Variants in PIGN observed in about 807,000 individuals in gnomAD.
PIGN encodes phosphatidylinositol glycan anchor biosynthesis class N.
Under a neutral mutation model 125.4 loss-of-function variants are expected in PIGN, and 117 were observed. The observed-to-expected ratio is 0.93, with a 90% CI of 0.80 to 1.09. The LOEUF (loss-of-function observed/expected upper bound fraction) is 1.09. Ranked by LOEUF, PIGN falls within the 50% of genes least tolerant of loss-of-function variation. The pLI, the probability that PIGN is intolerant of heterozygous loss-of-function variation, is 0.00. For synonymous variants in PIGN, 392 were observed against 377.8 expected (o/e 1.04, Z -0.44); for missense variants, 1,075 against 1,094.9 (o/e 0.98, Z 0.26).
Position 62,147,009 on chromosome 18 carries a change from G to A in PIGN, c.767C>T (p.Thr256Ile), listed in dbSNP as rs768100702. 7 of 1,612,204 alleles carry A rather than the reference G, an allele frequency of 4.3e-6. No individual in the cohort carries two copies. Among genetic ancestry groups the A allele is most frequent in the East Asian group, 2.2e-5 (1 of 44,724 alleles). ...NHFYGNDGKT[T>I]FIFTSDHGMT... ...TCCATGGTCAGAGGTAAAGATAAAT[G>A]TTGTTTTCCCATCATTTCCATAGAA... Residue 256 changes from threonine to isoleucine, a missense_variant, in exon 9 of 31, where the codon ACA becomes ATA. Transcript: ENST00000640252.
At chr18:62,133,889 C>G (rs2035830544) in intron 14 of PIGN, among the ~76,000 whole-genome samples, 1 of 152,162 alleles carries the variant, frequency 6.6e-6, no homozygotes, top group Non-Finnish European at 1.5e-5. Flanking sequence ...CTCAGTTCAC[C>G]AACCCAGACC....
chr18:62,098,910 A>G (rs1430134353), intron 22 of PIGN, among the ~76,000 whole-genome samples: 2 of 152,080 alleles, frequency 1.3e-5, no homozygotes, highest in Admixed American at 6.5e-5. Context: ...CAATAAATAA[A>G]ATCATATAGG....
intron 27 of PIGN, among the ~76,000 whole-genome samples, chr18:62,083,809 T>C (rs564115129): frequency 2.6e-5 from 4 of 152,344 alleles, no homozygotes; most frequent in Admixed American, 2.6e-4. Context: ...TAAACTTCCA[T>C]TTGTATTAGT....
At position 62,154,587 on chromosome 18, in the gene PIGN, T is replaced by G; in HGVS notation, c.507A>C (p.Gln169His). The change falls in exon 7 of 31, where the codon CAA (glutamine) becomes CAC (histidine). Residue 169 changes from glutamine (Q) to histidine (H), a missense_variant. Physicochemically the swap from Gln to His is conservative, Grantham distance 24 (BLOSUM62 0). This residue lies in a region of PIGN where 915 missense variants were observed against 908.7 expected (regional missense o/e 1.01). Transcript: ENST00000640252. The stretch of plus-strand genomic sequence containing the variant: ...CCCACGTATCCAGTTTTGTTGCATC[T>G]TGAGCACCAAAATCCTCTCTTTTAG... The part of the protein sequence containing the change: ...YDAKREDFGA[Q>H]DATKLDTWVF... The G allele has an allele frequency of 6.3e-7, 1 of 1,595,124 alleles. No individual in the cohort carries two copies. Among genetic ancestry groups the G allele is most frequent in the Non-Finnish European group, 8.6e-7 (1 of 1,163,620 alleles).
chr18:62,060,343 T>C (rs2145388891), intron 30 of PIGN, among the ~76,000 whole-genome samples: 1 of 152,320 alleles, frequency 6.6e-6, no homozygotes, highest in East Asian at 1.9e-4. Context: ...TGGAGGCACA[T>C]GGAATTGCCA....
At chr18:62,143,468 C>A in intron 10 of PIGN, 122 bp from the exon 11 acceptor site, 1 of 572,222 alleles carries the variant, frequency 1.7e-6, no homozygotes, top group Non-Finnish European at 3.1e-6. Context: ...TATTTTAAGC[C>A]AAGTATGAAT....
intron 7 of PIGN, chr18:62,154,158 C>T (rs753657244): frequency 6.7e-5 from 15 of 225,126 alleles, no homozygotes; most frequent in Non-Finnish European, 1.2e-4. Context: ...AAAAATCATC[C>T]ACTTTGTTAT....
intron 25 of PIGN, chr18:62,088,536 C>T (rs893402290): frequency 7.4e-6 from 2 of 270,862 alleles, no homozygotes; most frequent in African/African-American, 4.5e-5. Context: ...TGGCTAATAT[C>T]TGAATAGCAG....
At chr18:62,171,702 T>C (rs1203236276) in intron 1 of PIGN, among the ~76,000 whole-genome samples, 3 of 152,220 alleles carry the variant, frequency 2.0e-5, no homozygotes, top group East Asian at 3.8e-4. Context: ...GAGATAATTA[T>C]GATCATCTGA....
intron 14 of PIGN, among the ~76,000 whole-genome samples, chr18:62,115,159 C>G (rs906463237): frequency 4.6e-5 from 7 of 152,150 alleles, no homozygotes; most frequent in Non-Finnish European, 8.8e-5. Context: ...TATTTTTATA[C>G]TATATCATAT....
intron 30 of PIGN, among the ~76,000 whole-genome samples, chr18:62,066,486 T>C (rs1212184008): frequency 6.6e-6 from 1 of 152,176 alleles, no homozygotes; most frequent in Non-Finnish European, 1.5e-5. Flanking sequence ...GTAGAAGTGT[T>C]GGTTATTTTT....
At chr18:62,119,740 A>T (rs1052867306) in intron 14 of PIGN, among the ~76,000 whole-genome samples, 1 of 151,766 alleles carries the variant, frequency 6.6e-6, no homozygotes, top group Non-Finnish European at 1.5e-5. Context: ...GCTACTCAGG[A>T]GGTTGAGGCA....
intron 12 of PIGN, 64 bp downstream of exon 12, chr18:62,140,356 T>C: frequency 1.4e-6 from 1 of 699,698 alleles, no homozygotes; most frequent in Non-Finnish European, 2.4e-6. Context: ...TAAAAAAGAG[T>C]ACATTTTACT....
chr18:62,131,571 T>C (rs896782713), intron 14 of PIGN, among the ~76,000 whole-genome samples: 8 of 152,266 alleles, frequency 5.3e-5, no homozygotes, highest in Admixed American at 5.2e-4. Context: ...CAGGTGTTTG[T>C]TTTTTAGCAG....
chr18:62,177,377 T>A (rs1007936059), intron 1 of PIGN, among the ~76,000 whole-genome samples: 2 of 152,216 alleles, frequency 1.3e-5, no homozygotes, highest in East Asian at 1.9e-4. Context: ...ATAATTTATA[T>A]CTCTTTTGAT....
chr18:62,146,066 G>T, intron 9 of PIGN, 41 bp from the exon 10 acceptor site: 2 of 840,934 alleles, frequency 2.4e-6, no homozygotes, highest in Non-Finnish European at 3.7e-6. Context: ...AAATATAGAA[G>T]AACTAACTTA....
At chr18:62,093,970 C>G (rs569333266) in intron 23 of PIGN, among the ~76,000 whole-genome samples, 1 of 151,958 alleles carries the variant, frequency 6.6e-6, no homozygotes, top group Non-Finnish European at 1.5e-5. Flanking sequence ...AATAATGTAT[C>G]TCTTAATGAA....
chr18:62,025,192 T>C (rs1273904839), intron 23 of PIGN, among the ~76,000 whole-genome samples: 2 of 152,226 alleles, frequency 1.3e-5, no homozygotes, highest in African/African-American at 4.8e-5. Context: ...TACTCATATA[T>C]GTATTTGCTA....
intron 14 of PIGN, among the ~76,000 whole-genome samples, chr18:62,120,339 G>C (rs899151358): frequency 6.6e-6 from 1 of 152,146 alleles, no homozygotes; most frequent in South Asian, 2.1e-4. Flanking sequence ...AATTTCACTT[G>C]AAAAGATGTT....
Sources: allele counts gnomAD v4.1 joint callset (sites outside exome capture counted in the v4.1 genomes callset), GRCh38; gene constraint gnomAD v4.1.1; regional missense constraint gnomAD v4.1.1; transcripts MANE v1.5; gene names NCBI Gene and HGNC (gene_info 2026-07-23, HGNC 2026-07-21).